The following KMT2C variants were observed in gnomAD, a reference collection of about 807,000 sequenced individuals.
KMT2C encodes the protein lysine methyltransferase 2C, also known as histone-lysine N-methyltransferase 2C.
A neutral mutation model predicts 507.9 loss-of-function variants in KMT2C; 88 were observed. That is an observed-to-expected ratio of 0.17 (90% CI 0.15 to 0.21). The LOEUF is 0.21. Among genes scored for constraint, KMT2C ranks in the 10% least tolerant of loss-of-function variants. The pLI is 1.00. For missense variants in KMT2C, 4,954 were observed against 5,957.8 expected (o/e 0.83, Z 5.55); for synonymous variants, 2,049 against 2,080.8 (o/e 0.98, Z 0.42).
chr7:152,316,829 C>CA (rs59137971), intron 3 of KMT2C, among the ~76,000 whole-genome samples: 80 of 144,750 alleles, frequency 5.5e-4, no homozygotes, highest in Middle Eastern at 3.6e-3. Context: ...AGTGTAATTT[C>CA]AAAAAAAAAA....
At chr7:152,234,667 A>G (rs181642743) in intron 16 of KMT2C, among the ~76,000 whole-genome samples, 19 of 152,224 alleles carry the variant, frequency 1.2e-4, no homozygotes, top group Non-Finnish European at 1.6e-4. Context: ...TTGGGAAGCC[A>G]AGGTGGGAAA....
intron 9 of KMT2C, among the ~76,000 whole-genome samples, chr7:152,254,773 A>G (rs1285276097): frequency 6.6e-6 from 1 of 152,162 alleles, no homozygotes; most frequent in Non-Finnish European, 1.5e-5. Context: ...GAAAAGAAGA[A>G]ACAAAACTCT....
rs2089781132 is a variant in KMT2C, at chr7:152,135,204, A to G, written c.*1628T>C. 9.0e-6 allele frequency: 2 copies of G among 221,732 alleles called. No individual in the cohort carries two copies. Among genetic ancestry groups the G allele is most frequent in the South Asian group, 3.7e-4 (2 of 5,430 alleles). 13.7% of individuals were successfully genotyped at this position (221,732 alleles called of 1,614,324 possible). A position where few individuals can be genotyped will look rare whatever the true frequency, so the allele number is the denominator to read the frequency against. Reference sequence around the variant, plus strand: ...TTGATTTATTCTGTAAGATAAAAATACATCATGCCATATACAAGTTCAGAA... The same window carrying G: ...TTGATTTATTCTGTAAGATAAAAATGCATCATGCCATATACAAGTTCAGAA... On this transcript the variant is annotated 3_prime_UTR_variant, in exon 59 of 59. Transcript: ENST00000262189.
intron 1 of KMT2C, among the ~76,000 whole-genome samples, chr7:152,406,660 G>A (rs2097618277): frequency 3.3e-5 from 5 of 151,858 alleles, no homozygotes; most frequent in African/African-American, 1.2e-4. Flanking sequence ...TGGGACTATA[G>A]GTGTATCACG....
At chr7:152,429,432 T>G (rs886412329) in intron 1 of KMT2C, among the ~76,000 whole-genome samples, 1 of 152,198 alleles carries the variant, frequency 6.6e-6, no homozygotes, top group East Asian at 1.9e-4. Context: ...GTGTCATTTG[T>G]TTCTCTCAAC....
intron 5 of KMT2C, 22 bp downstream of exon 5, chr7:152,311,776 A>T (rs767981839): frequency 1.3e-6 from 2 of 1,535,584 alleles, no homozygotes; most frequent in Non-Finnish European, 8.8e-7. Flanking sequence ...AGAGGCAGTC[A>T]TTATTGAAAA....
intron 1 of KMT2C, among the ~76,000 whole-genome samples, chr7:152,396,281 G>C (rs1466190191): frequency 6.6e-6 from 1 of 152,060 alleles, no homozygotes; most frequent in Non-Finnish European, 1.5e-5. Context: ...AAGATATTTT[G>C]ACAGAAAAAA....
intron 1 of KMT2C, among the ~76,000 whole-genome samples, chr7:152,392,680 G>A (rs1433765872): frequency 1.3e-5 from 2 of 152,166 alleles, no homozygotes; most frequent in South Asian, 2.1e-4. Context: ...CAACAAGAAC[G>A]GAGCTGTACA....
At chr7:152,370,780 C>T (rs1401238941) in intron 1 of KMT2C, among the ~76,000 whole-genome samples, 4 of 152,148 alleles carry the variant, frequency 2.6e-5, no homozygotes, top group African/African-American at 9.7e-5. Context: ...GTCCAGAGGC[C>T]AAATCCAGTC....
intron 16 of KMT2C, 55 bp downstream of exon 16, chr7:152,235,762 T>C: frequency 8.4e-7 from 1 of 1,190,236 alleles, no homozygotes; most frequent in South Asian, 1.2e-5. Context: ...GCTATGAGAT[T>C]TTCATCATTA....
chr7:152,302,855 G>A (rs2096582462), intron 6 of KMT2C, among the ~76,000 whole-genome samples: 1 of 151,398 alleles, frequency 6.6e-6, no homozygotes, highest in Non-Finnish European at 1.5e-5. Context: ...TGTTGGTTAG[G>A]CTGGTCTCGA....
At chr7:152,279,477 T>C (rs2096158866) in intron 6 of KMT2C, among the ~76,000 whole-genome samples, 1 of 152,216 alleles carries the variant, frequency 6.6e-6, no homozygotes, top group African/African-American at 2.4e-5. Flanking sequence ...TTTATTAAAA[T>C]GCTGTTAATG....
chr7:152,310,422 G>C (rs1199869804), intron 5 of KMT2C, among the ~76,000 whole-genome samples: 2 of 152,096 alleles, frequency 1.3e-5, no homozygotes, highest in Non-Finnish European at 2.9e-5. Context: ...CAAATTAGCT[G>C]GGCGTGGTGG....
At chr7:152,268,524 T>G (rs1471993760) in intron 7 of KMT2C, among the ~76,000 whole-genome samples, 1 of 152,166 alleles carries the variant, frequency 6.6e-6, no homozygotes, top group East Asian at 1.9e-4. Context: ...ACTGCTAAAA[T>G]CACTTTTAAA....
Position 152,146,601 on chromosome 7 carries a change from A to T in KMT2C, c.14029T>A (p.Ser4677Thr). The T allele has an allele frequency of 6.2e-7, 1 of 1,614,180 alleles. No homozygotes were observed. The highest frequency in any genetic ancestry group is 1.3e-5 in the African/African-American group (1 of 75,058). The change falls in exon 53 of 59, where the codon TCA becomes ACA. Residue 4677 changes from serine to threonine, a missense_variant and splice_region_variant. Physicochemically the swap from Ser to Thr is moderately conservative, Grantham distance 58. Around this residue, in one of 29 missense-constraint regions of KMT2C, gnomAD observed 221 missense variants for 304.7 expected, o/e 0.73. Transcript: ENST00000262189. ...TVSAVARIAE[S>T]LPGVEACENY... ...CAAAGCCTGACCAAGACACTCACTG[A>T]TTCCGCTATGCGTGCCACTGCAGAG...
intron 31 of KMT2C, 57 bp downstream of exon 31, chr7:152,193,952 C>T (rs2093886648): frequency 1.4e-6 from 2 of 1,401,330 alleles, no homozygotes; most frequent in South Asian, 3.6e-5. Context: ...TGTATATGTA[C>T]CCACATATAT....
chr7:152,224,752 G>A (rs1340981409), intron 18 of KMT2C, 136 bp from the exon 19 acceptor site: 8 of 650,754 alleles, frequency 1.2e-5, no homozygotes, highest in South Asian at 2.3e-5. Context: ...GAGCACCTAC[G>A]GAGGCCCAAT....
rs565520677 is a variant in KMT2C, at chr7:152,424,855, C to T, written c.161+10771G>A. On this transcript the variant is annotated intron_variant, in intron 1 of 58. Transcript: ENST00000262189. The stretch of plus-strand genomic sequence containing the variant: ...ATATAGTCCTGGAATCTCTTCCTCT[C>T]CACATCATCTCTCCAGCAAGGTATG... Among the ~76,000 whole-genome samples, 72 of 152,306 alleles carry T rather than the reference C, an allele frequency of 4.7e-4. 1 individual carries two copies. Among genetic ancestry groups the T allele is most frequent in the African/African-American group, 1.7e-3 (71 of 41,564 alleles).
At chr7:152,174,096 G>C (rs1206332515) in intron 39 of KMT2C, 35 bp downstream of exon 39, 1 of 1,080,676 alleles carries the variant, frequency 9.3e-7, no homozygotes, top group Non-Finnish European at 1.4e-6. Context: ...TGAATGTCTA[G>C]ATGCCCAGTA....
Sources: allele counts gnomAD v4.1 joint callset (sites outside exome capture counted in the v4.1 genomes callset), GRCh38; gene constraint gnomAD v4.1.1; regional missense constraint gnomAD v4.1.1; transcripts MANE v1.5; gene names NCBI Gene and HGNC (gene_info 2026-07-23, HGNC 2026-07-21).